The following EPHA6 variants were observed in gnomAD, a reference collection of about 807,000 sequenced individuals.
EPHA6 encodes the protein ephrin type-A receptor 6.
A neutral mutation model predicts 112.0 loss-of-function variants in EPHA6; 50 were observed. That is an observed-to-expected ratio of 0.45 (90% CI 0.36 to 0.56). The LOEUF (loss-of-function observed/expected upper bound fraction) is 0.56. Ranked by LOEUF, EPHA6 falls within the 20% of genes least tolerant of loss-of-function variation. The pLI, the probability that EPHA6 is intolerant of heterozygous loss-of-function variation, is 0.00. For missense variants in EPHA6, 1,280 were observed against 1,417.4 expected (o/e 0.90, Z 1.56); for synonymous variants, 529 against 490.7 (o/e 1.08, Z -1.03).
At chr3:96,822,753 A>C (rs2033362811) in intron 1 of EPHA6, among the ~76,000 whole-genome samples, 3 of 150,736 alleles carry the variant, frequency 2.0e-5, no homozygotes, top group Non-Finnish European at 4.4e-5. Context: ...AATAACAGTA[A>C]ATTATGTGTT....
chr3:97,469,227 T>A lies in EPHA6; in HGVS notation c.1895-6125T>A, dbSNP rs183304557. On this transcript the variant is annotated intron_variant, in intron 7 of 17. Coordinates refer to ENST00000389672, the MANE Select transcript of EPHA6 (RefSeq NM_001080448.3). ...CTCCTGACTAGTGTACACTTTGGAA[T>A]CTTGTGTCAGATTTTCAGTTTTTCC... Among the ~76,000 whole-genome samples the A allele has an allele frequency of 5.9e-3, 900 of 151,814 alleles. 8 individuals are homozygous for A. Among genetic ancestry groups the A allele is most frequent in the African/African-American group, 0.021 (871 of 41,508 alleles).
intron 4 of EPHA6, among the ~76,000 whole-genome samples, chr3:97,241,410 G>GTTGGAAATATCATAAGGAAATATCATAA (rs2078842242): frequency 6.6e-6 from 1 of 151,666 alleles, no homozygotes; most frequent in Non-Finnish European, 1.5e-5. Flanking sequence ...GGAAATACCT[G>GTTGGAAATATCATAAGGAAATATCATAA]GGAGTTTTCA....
chr3:97,525,525 G>C (rs1163287301), intron 10 of EPHA6, among the ~76,000 whole-genome samples: 1 of 152,104 alleles, frequency 6.6e-6, no homozygotes, highest in Admixed American at 6.6e-5. Flanking sequence ...TAAAGCCTTA[G>C]TTATTTTGAT....
At chr3:97,679,845 G>C (rs962980908) in intron 14 of EPHA6, among the ~76,000 whole-genome samples, 7 of 152,106 alleles carry the variant, frequency 4.6e-5, no homozygotes, top group African/African-American at 1.7e-4. Flanking sequence ...ACTTATTAAA[G>C]GTTCTCAGAA....
intron 3 of EPHA6, among the ~76,000 whole-genome samples, chr3:97,051,540 T>C (rs2045685566): frequency 6.6e-6 from 1 of 152,176 alleles, no homozygotes; most frequent in Non-Finnish European, 1.5e-5. Flanking sequence ...TGGAATACTT[T>C]TTAAAAATAT....
chr3:97,051,911 G>A (rs1001594323), intron 3 of EPHA6, among the ~76,000 whole-genome samples: 1 of 151,922 alleles, frequency 6.6e-6, no homozygotes, highest in African/African-American at 2.4e-5. Flanking sequence ...TCTAATACTC[G>A]ATCCGCTAGC....
intron 11 of EPHA6, among the ~76,000 whole-genome samples, chr3:97,586,264 A>C (rs2093486642): frequency 6.6e-6 from 1 of 152,248 alleles, no homozygotes; most frequent in African/African-American, 2.4e-5. Flanking sequence ...TCTTTACCAA[A>C]GTAGGCAGAG....
At chr3:97,281,376 AT>A (rs2080282581) in intron 5 of EPHA6, among the ~76,000 whole-genome samples, 1 of 152,136 alleles carries the variant, frequency 6.6e-6, no homozygotes, top group Non-Finnish European at 1.5e-5. Flanking sequence ...TCTCAATTCA[AT>A]TTGTATTTTA....
At chr3:97,347,938 T>C (rs72926340) in intron 5 of EPHA6, among the ~76,000 whole-genome samples, 12,291 of 147,664 alleles carry the variant, frequency 0.083, 944 homozygotes, top group Admixed American at 0.21. Flanking sequence ...AGAGTTAATT[T>C]ACTCTACAGA....
chr3:97,544,268 C>T (rs1433174973), intron 11 of EPHA6, among the ~76,000 whole-genome samples: 1 of 152,086 alleles, frequency 6.6e-6, no homozygotes, highest in Non-Finnish European at 1.5e-5. Context: ...TACGTCCCAT[C>T]AATACCTAAT....
chr3:97,297,483 A>C (rs2080914851), intron 5 of EPHA6, among the ~76,000 whole-genome samples: 1 of 152,158 alleles, frequency 6.6e-6, no homozygotes, highest in Admixed American at 6.5e-5. Flanking sequence ...AATTTAATTA[A>C]AGAAATATGA....
intron 3 of EPHA6, among the ~76,000 whole-genome samples, chr3:97,205,208 G>A (rs1387764731): frequency 1.3e-5 from 2 of 151,908 alleles, no homozygotes; most frequent in Admixed American, 6.6e-5. Context: ...ATGTATATGA[G>A]GGAATAGAAA....
At chr3:97,467,657 C>T (rs577724731) in intron 7 of EPHA6, among the ~76,000 whole-genome samples, 1 of 151,692 alleles carries the variant, frequency 6.6e-6, no homozygotes, top group African/African-American at 2.4e-5. Flanking sequence ...TGTAAATATT[C>T]TTTGAGAAAA....
chr3:97,272,473 C>T lies in EPHA6; in HGVS notation c.1606+28186C>T, dbSNP rs548402596. Among the ~76,000 whole-genome samples the T allele has an allele frequency of 4.6e-5, 7 of 152,212 alleles. No individual in the cohort carries two copies. The East Asian group carries it at 1.4e-3, about 29-fold the overall frequency. On this transcript the variant is annotated intron_variant, in intron 5 of 17. Coordinates refer to ENST00000389672, the MANE Select transcript of EPHA6 (RefSeq NM_001080448.3). ...ACCGAGATGATATTTTCACTTGCGT[C>T]CGTGTGAAGAGACCACCAAACAGGC...
chr3:96,878,643 A>G (rs1389427492), intron 2 of EPHA6, among the ~76,000 whole-genome samples: 1 of 152,094 alleles, frequency 6.6e-6, no homozygotes, highest in African/African-American at 2.4e-5. Flanking sequence ...AGCTAATGTC[A>G]TTAAATATTA....
chr3:97,401,516 G>C (rs922940733), intron 5 of EPHA6, among the ~76,000 whole-genome samples: 2 of 151,742 alleles, frequency 1.3e-5, no homozygotes, highest in Non-Finnish European at 3.0e-5. Flanking sequence ...TGTGGTATCA[G>C]TTATAATGTC....
intron 2 of EPHA6, among the ~76,000 whole-genome samples, chr3:96,986,130 A>T (rs2107840238): frequency 6.6e-6 from 1 of 152,326 alleles, no homozygotes; most frequent in South Asian, 2.1e-4. Context: ...TATACAAATA[A>T]AATGGAGTTA....
chr3:97,626,297 G>A (rs571118012), intron 13 of EPHA6, among the ~76,000 whole-genome samples: 73 of 151,818 alleles, frequency 4.8e-4, no homozygotes, highest in African/African-American at 1.7e-3. Context: ...TCTTGGTCCT[G>A]GAGAAAAATA....
chr3:97,436,383 G>A (rs1182562168), intron 6 of EPHA6, among the ~76,000 whole-genome samples: 1 of 151,906 alleles, frequency 6.6e-6, no homozygotes, highest in African/African-American at 2.4e-5. Context: ...CACAATTAAG[G>A]CTCACAAACA....
Sources: gnomAD v4.1 joint callset for allele counts (sites outside exome capture counted in the v4.1 genomes callset) on GRCh38, gnomAD v4.1.1 for gene constraint, MANE v1.5 for transcripts, NCBI Gene and HGNC (gene_info 2026-07-23, HGNC 2026-07-21) for gene names.